The following ATP2C2 variants were observed in gnomAD, a reference collection of about 807,000 sequenced individuals.
The protein encoded by ATP2C2 is ATPase secretory pathway Ca2+ transporting 2.
A neutral mutation model predicts 110.8 loss-of-function variants in ATP2C2; 171 were observed. The observed-to-expected ratio is 1.54, with a 90% CI of 1.36 to 1.75. The LOEUF (loss-of-function observed/expected upper bound fraction) is 1.75. Ranked by LOEUF, ATP2C2 falls within the 40% of genes most tolerant of loss-of-function variation. The pLI is 0.00. For synonymous variants in ATP2C2, 804 were observed against 508.4 expected (o/e 1.58, Z -7.82); for missense variants, 1,963 against 1,235.0 (o/e 1.59, Z -8.84).
intron 11 of ATP2C2, among the ~76,000 whole-genome samples, chr16:84,437,229 A>G (rs893695819): frequency 6.6e-6 from 1 of 152,014 alleles, no homozygotes; most frequent in African/African-American, 2.4e-5. Context: ...ACTCTGCTAC[A>G]TAGGCTGTAG....
rs143586650 is a variant in ATP2C2, at chr16:84,407,235, G to C, written c.328-1170G>C. 7.6e-4 allele frequency: 115 copies of C among 152,304 alleles called. 1 individual carries two copies. Among genetic ancestry groups the C allele is most frequent in the Non-Finnish European group, 1.5e-3 (100 of 68,060 alleles). The allele number at this position is 152,304 out of a possible 1,614,324, so 9.4% of individuals were successfully genotyped here. ...AAGGCAGCCCTGTTCCTCTGTCTCA[G>C]GAGTCTCACCATTAGGAATTCTACC... On this transcript the variant is annotated intron_variant, in intron 3 of 26. Transcript: ENST00000262429.
chr16:84,451,844 A>G lies in ATP2C2; in HGVS notation c.1661-77A>G, dbSNP rs374877717. On this transcript the variant is annotated intron_variant, in intron 17 of 26. Transcript: ENST00000262429. ...TAAGAACAAAACTCTCTTAAAAAAC[A>G]ACAACAACAACCAACAACAAAAAAC... The G allele has an allele frequency of 4.5e-6, 6 of 1,339,830 alleles. No individual in the cohort carries two copies. In the African/African-American group the frequency reaches 8.3e-5, roughly 19 times the overall value. 83.0% of individuals were successfully genotyped at this position (1,339,830 alleles called of 1,614,324 possible).
At chr16:84,448,855 C>T (rs1266463325) in intron 17 of ATP2C2, among the ~76,000 whole-genome samples, 166 bp downstream of exon 17, 1 of 152,186 alleles carries the variant, frequency 6.6e-6, no homozygotes, top group Non-Finnish European at 1.5e-5. Context: ...ACATGAAAGG[C>T]ACAGAGGTCC....
intron 21 of ATP2C2, 146 bp from the exon 22 acceptor site, chr16:84,458,974 C>A: frequency 1.2e-6 from 1 of 837,022 alleles, no homozygotes; most frequent in East Asian, 2.5e-5. Flanking sequence ...AAATGTGTCC[C>A]CAAGAATGCC....
rs761983583 is a variant in ATP2C2, at chr16:84,446,284, T to G, written c.1402-45T>G. 6 of 1,187,272 alleles carry G rather than the reference T, an allele frequency of 5.1e-6. No homozygotes were observed. In the Admixed American group the frequency reaches 1.1e-4, roughly 22 times the overall value. 73.5% of individuals were successfully genotyped at this position (1,187,272 alleles called of 1,614,324 possible). A position where few individuals can be genotyped will look rare whatever the true frequency, so the allele number is the denominator to read the frequency against. On this transcript the variant is annotated intron_variant, in intron 15 of 26. Coordinates refer to ENST00000262429, the MANE Select transcript of ATP2C2 (RefSeq NM_014861.4). ...AATGGACTGAGCTTTGTATAGAGATTGGCTTCGGATGACTCACTAAAAATG... is the reference window on the plus strand; with the variant it reads ...AATGGACTGAGCTTTGTATAGAGATGGGCTTCGGATGACTCACTAAAAATG...
intron 21 of ATP2C2, among the ~76,000 whole-genome samples, chr16:84,455,679 G>T (rs1393701632): frequency 6.6e-6 from 1 of 151,810 alleles, no homozygotes; most frequent in Admixed American, 6.6e-5. Flanking sequence ...CAAATATTGA[G>T]GCTAGGTGGA....
intron 1 of ATP2C2, among the ~76,000 whole-genome samples, chr16:84,390,176 C>G (rs140321714): frequency 5.0e-4 from 76 of 152,368 alleles, no homozygotes; most frequent in Admixed American, 7.8e-4. Flanking sequence ...CAGGGAAGAT[C>G]ATTAGGGTCT....
intron 15 of ATP2C2, among the ~76,000 whole-genome samples, chr16:84,445,000 T>C (rs1043587085): frequency 2.6e-5 from 4 of 152,106 alleles, no homozygotes; most frequent in Non-Finnish European, 4.4e-5. Flanking sequence ...GGTGATTTAG[T>C]GTAACCAAAA....
At chr16:84,454,552 G>A (rs1597873033) in intron 20 of ATP2C2, among the ~76,000 whole-genome samples, 1 of 152,274 alleles carries the variant, frequency 6.6e-6, no homozygotes. Flanking sequence ...GACCGTGCTG[G>A]GCACCGTCAC....
At position 84,425,658 on chromosome 16, in the gene ATP2C2, G is replaced by A. The variant is rs1304630476; in HGVS notation, c.920-77G>A. The A allele has an allele frequency of 4.7e-6, 7 of 1,496,322 alleles. No individual in the cohort carries two copies. The African/African-American group carries it at 9.7e-5, about 21-fold the overall frequency. The allele number at this position is 1,496,322 out of a possible 1,614,324, so 92.7% of individuals were successfully genotyped here. ...CATGCATTCCTGTAAACTCTTTAAG[G>A]AAGTGAGTTTGAATCCCTCCAGGCA... On this transcript the variant is annotated intron_variant, in intron 10 of 26. Transcript: ENST00000262429.
Position 84,423,236 on chromosome 16 carries a change from C to G in ATP2C2, c.892C>G (p.Leu298Val). Residue 298 changes from leucine to valine, a missense_variant, in exon 10 of 27, where the codon CTG becomes GTG. Transcript: ENST00000262429. ...AAGCATGGACAGGCTAGGAAAGCAA[C>G]TGACACTCTTCTCCTTTGGCATAAT... ...QKSMDRLGKQLTLFSFGIIGL... is the reference protein window; with the variant it reads ...QKSMDRLGKQVTLFSFGIIGL... 1 of 1,614,164 alleles carries G rather than the reference C, an allele frequency of 6.2e-7. No individual in the cohort carries two copies. The highest frequency in any genetic ancestry group is 8.5e-7 in the Non-Finnish European group (1 of 1,180,020).
chr16:84,442,964 T>C (rs57551160), intron 15 of ATP2C2, among the ~76,000 whole-genome samples: 28,513 of 152,042 alleles, frequency 0.19, 3,263 homozygotes, highest in East Asian at 0.53. Flanking sequence ...GGCTGGTTCC[T>C]GGGAATGTAT....
chr16:84,453,507 G>A, intron 20 of ATP2C2, 136 bp downstream of exon 20: 2 of 1,207,060 alleles, frequency 1.7e-6, no homozygotes, highest in Admixed American at 1.8e-5. Context: ...CAGGGCAGCT[G>A]CCCCGGGAGT....
chr16:84,397,794 G>A (rs1597758014), intron 1 of ATP2C2, among the ~76,000 whole-genome samples: 1 of 151,754 alleles, frequency 6.6e-6, no homozygotes, highest in African/African-American at 2.4e-5. Flanking sequence ...AAGCTGCTGT[G>A]AAAATTAGCG....
At position 84,454,934 on chromosome 16, in the gene ATP2C2, CAA is replaced by C. The variant is rs1168508774; in HGVS notation, c.2099_2100del (p.Lys700ArgfsTer10). ...TGGGGCAGACAGGGACGGACGTCAG[CAA>C]AGAGGCCGCCAACATGATCCTGGTG... ...AMGQTGTDVS[K>X]EAANMILVDD... On this transcript the variant is annotated frameshift_variant, in exon 21 of 27. Coordinates refer to ENST00000262429, the MANE Select transcript of ATP2C2 (RefSeq NM_014861.4). LOFTEE classifies it high-confidence loss of function. The C allele has an allele frequency of 1.9e-6, 3 of 1,613,726 alleles. No individual in the cohort carries two copies. Among genetic ancestry groups the C allele is most frequent in the Admixed American group, 1.7e-5 (1 of 59,888 alleles).
Position 84,454,942 on chromosome 16 carries a change from C to T in ATP2C2, c.2105C>T (p.Ala702Val). The T allele has an allele frequency of 1.9e-6, 3 of 1,613,818 alleles. No individual in the cohort carries two copies. The highest frequency in any genetic ancestry group is 2.5e-6 in the Non-Finnish European group (3 of 1,179,912). ...ACAGGGACGGACGTCAGCAAAGAGG[C>T]CGCCAACATGATCCTGGTGGATGAT... The part of the protein sequence containing the change: ...GQTGTDVSKE[A>V]ANMILVDDDF... Residue 702 changes from alanine to valine, a missense_variant, in exon 21 of 27, where the codon GCC becomes GTC. Physicochemically the swap from Ala to Val is moderately conservative, Grantham distance 64 (BLOSUM62 0). Coordinates refer to ENST00000262429, the MANE Select transcript of ATP2C2 (RefSeq NM_014861.4).
At chr16:84,426,673 C>G (rs564807488) in intron 11 of ATP2C2, among the ~76,000 whole-genome samples, 1 of 152,226 alleles carries the variant, frequency 6.6e-6, no homozygotes, top group South Asian at 2.1e-4. Flanking sequence ...GTGCAAGCAC[C>G]CACATGATAC....
chr16:84,459,758 G>A, intron 23 of ATP2C2: 2 of 613,280 alleles, frequency 3.3e-6, no homozygotes, highest in East Asian at 2.9e-5. Flanking sequence ...CCCTAGAGAG[G>A]AAGATACACA....
At chr16:84,433,776 C>T (rs914898565) in intron 11 of ATP2C2, among the ~76,000 whole-genome samples, 7 of 152,120 alleles carry the variant, frequency 4.6e-5, no homozygotes, top group Non-Finnish European at 7.3e-5. Context: ...GCAAGAAAGA[C>T]GATTAAATAT....
Sources: gnomAD v4.1 joint callset for allele counts (sites outside exome capture counted in the v4.1 genomes callset) on GRCh38, gnomAD v4.1.1 for gene constraint, MANE v1.5 for transcripts, NCBI Gene and HGNC (gene_info 2026-07-23, HGNC 2026-07-21) for gene names.